SGCZ: variants seen among roughly 807,000 people sequenced by gnomAD.
SGCZ encodes the protein sarcoglycan zeta.
SGCZ carries 40 observed loss-of-function variants against 41.3 expected under a neutral mutation model. That is an observed-to-expected ratio of 0.97 (90% CI 0.75 to 1.26). The LOEUF (loss-of-function observed/expected upper bound fraction) is 1.26, where lower values mean the gene tolerates loss of function less well. SGCZ is among the 50% of genes most tolerant of loss of function. The probability of loss-of-function intolerance (pLI) is 0.00; values close to 1 mark genes in which losing one functional copy is unlikely to be tolerated. For synonymous variants in SGCZ, 206 were observed against 137.5 expected, an observed-to-expected ratio of 1.50 and a Z score of -3.49; for missense variants, 552 against 369.8, an observed-to-expected ratio of 1.49 and a Z score of -4.04.
At chr8:14,143,171 T>G (rs1384939028) in intron 5 of SGCZ, among the ~76,000 whole-genome samples, 1 of 152,120 alleles carries the variant, frequency 6.6e-6, no homozygotes, top group Non-Finnish European at 1.5e-5. Flanking sequence ...TTTCTCTATT[T>G]GACAAAGAAC....
chr8:14,198,013 T>C (rs1453399516), intron 4 of SGCZ, among the ~76,000 whole-genome samples: 3 of 152,222 alleles, frequency 2.0e-5, no homozygotes, highest in Non-Finnish European at 4.4e-5. Context: ...GGAAAGGGAT[T>C]ATTAGGAATT....
At chr8:14,228,177 G>C (rs1055248913) in intron 4 of SGCZ, among the ~76,000 whole-genome samples, 6 of 151,988 alleles carry the variant, frequency 3.9e-5, no homozygotes, top group Non-Finnish European at 8.8e-5. Flanking sequence ...TTCTTATCAA[G>C]GCAAACACAA....
At chr8:14,809,742 G>A (rs1006482432) in intron 1 of SGCZ, among the ~76,000 whole-genome samples, 1 of 152,124 alleles carries the variant, frequency 6.6e-6, no homozygotes, top group Admixed American at 6.6e-5. Flanking sequence ...ACCCATGAGG[G>A]AGGACTGTGC....
At chr8:14,285,189 C>A (rs10503491) in intron 3 of SGCZ, among the ~76,000 whole-genome samples, 1 of 151,908 alleles carries the variant, frequency 6.6e-6, no homozygotes, top group Admixed American at 6.6e-5. Flanking sequence ...TCTAATAAAT[C>A]TCCAGCTGTT....
Position 14,554,823 on chromosome 8 carries a change from C to G in SGCZ, c.143G>C (p.Cys48Ser), listed in dbSNP as rs199578243. 1 of 1,613,142 alleles carries G rather than the reference C, an allele frequency of 6.2e-7. No homozygotes were observed. The highest frequency in any genetic ancestry group is 1.3e-5 in the African/African-American group (1 of 74,888). ...CAGCAGAAGGACAAAGAAGTATAAG[C>G]ACCTCTTTCGCCATCCATAAATTCC... ...PVGIYGWRKR[C>S]LYFFVLLLLV... is the part of the protein sequence containing the mutation. Residue 48 changes from cysteine (C) to serine (S), a missense_variant, in exon 2 of 8, where the codon TGC becomes TCC. Coordinates refer to ENST00000382080, the MANE Select transcript of SGCZ (RefSeq NM_139167.4).
intron 1 of SGCZ, among the ~76,000 whole-genome samples, chr8:14,944,728 G>A (rs1325387169): frequency 6.6e-6 from 1 of 152,108 alleles, no homozygotes; most frequent in South Asian, 2.1e-4. Context: ...GTAGGCTGAG[G>A]ATTTTGCAAT....
At position 15,232,003 on chromosome 8, in the gene SGCZ, A is replaced by G. The variant is rs1801956154; in HGVS notation, c.39+5582T>C. Reference sequence around the variant, plus strand: ...AAGCTAAGAATTTTATCACAAACCAAGCACAATTCTCAACAAATAAATGCA... The same window carrying G: ...AAGCTAAGAATTTTATCACAAACCAGGCACAATTCTCAACAAATAAATGCA... On this transcript the variant is annotated intron_variant, in intron 1 of 7. Transcript: ENST00000382080. 2.0e-5 allele frequency among the ~76,000 whole-genome samples: 3 copies of G among 152,328 alleles called. 1 individual carries two copies. Among genetic ancestry groups the G allele is most frequent in the South Asian group, 2.1e-4 (1 of 4,826 alleles).
chr8:14,831,766 A>T (rs78206226), intron 1 of SGCZ, among the ~76,000 whole-genome samples: 4,787 of 47,250 alleles, frequency 0.1, 174 homozygotes, highest in African/African-American at 0.21. Context: ...AAACATATAC[A>T]TATATACACA....
intron 1 of SGCZ, among the ~76,000 whole-genome samples, chr8:14,987,581 T>G (rs1341291394): frequency 2.0e-5 from 3 of 151,962 alleles, no homozygotes; most frequent in Non-Finnish European, 4.4e-5. Flanking sequence ...ATTAGTATAC[T>G]TTCATCTTCC....
intron 3 of SGCZ, among the ~76,000 whole-genome samples, chr8:14,278,356 A>T (rs1021494126): frequency 2.6e-5 from 4 of 152,020 alleles, no homozygotes; most frequent in Non-Finnish European, 5.9e-5. Flanking sequence ...TGTTATTTTC[A>T]TTTATTTTAA....
intron 1 of SGCZ, among the ~76,000 whole-genome samples, chr8:14,700,333 T>G (rs899033229): frequency 6.6e-6 from 1 of 152,014 alleles, no homozygotes; most frequent in Admixed American, 6.6e-5. Flanking sequence ...GAGGCCATTA[T>G]CTTAATCAAA....
At chr8:14,530,585 C>A (rs1803096690) in intron 2 of SGCZ, among the ~76,000 whole-genome samples, 1 of 152,050 alleles carries the variant, frequency 6.6e-6, no homozygotes, top group Non-Finnish European at 1.5e-5. Flanking sequence ...TGGCACACAG[C>A]AGTAACACTG....
intron 4 of SGCZ, among the ~76,000 whole-genome samples, chr8:14,182,870 C>T (rs1282911146): frequency 2.0e-5 from 3 of 151,640 alleles, no homozygotes; most frequent in Non-Finnish European, 2.9e-5. Context: ...ATTAGCTGAG[C>T]GGGGAGGCAG....
intron 1 of SGCZ, among the ~76,000 whole-genome samples, chr8:14,967,790 A>C (rs1028303416): frequency 2.6e-5 from 4 of 152,286 alleles, no homozygotes; most frequent in Admixed American, 6.5e-5. Flanking sequence ...AACAAAGTAG[A>C]CATTCAAGGA....
Position 14,153,940 on chromosome 8 carries a change from G to GACACACAC in SGCZ, c.547+10632_547+10639dup, listed in dbSNP as rs57842795. Among the ~76,000 whole-genome samples the GACACACAC allele has an allele frequency of 2.6e-3, 366 of 142,840 alleles. 1 individual carries two copies. The highest frequency in any genetic ancestry group is 4.2e-3 in the Non-Finnish European group (275 of 65,838). The allele number at this position is 142,840 out of a possible 152,430, so 93.7% of individuals were successfully genotyped here. On this transcript the variant is annotated intron_variant, in intron 5 of 7. Transcript: ENST00000382080. ...TCTCTCTCTCACACACACACACACAGACACACACACACACACACACATATA... is the reference window on the plus strand; with the variant it reads ...TCTCTCTCTCACACACACACACACAGACACACACACACACACACACACACACACATATA...
At chr8:15,229,389 G>A (rs1483226109) in intron 1 of SGCZ, among the ~76,000 whole-genome samples, 1 of 152,110 alleles carries the variant, frequency 6.6e-6, no homozygotes, top group Non-Finnish European at 1.5e-5. Flanking sequence ...TATGAGGCTA[G>A]GAATTAAAGA....
At position 14,226,482 on chromosome 8, in the gene SGCZ, T is replaced by C. The variant is rs1057509445; in HGVS notation, c.424+11110A>G. Among the ~76,000 whole-genome samples, 7 of 152,110 alleles carry C rather than the reference T, an allele frequency of 4.6e-5. No individual in the cohort carries two copies. In the East Asian group the frequency reaches 1.2e-3, roughly 25 times the overall value. ...TAAGAACGTCATATAAATGCCATCA[T>C]ACAGTATGTAAACTGCCAGACTGAC... On this transcript the variant is annotated intron_variant, in intron 4 of 7. Coordinates refer to ENST00000382080, the MANE Select transcript of SGCZ (RefSeq NM_139167.4).
chr8:14,685,850 A>G (rs148455735), intron 1 of SGCZ, among the ~76,000 whole-genome samples: 22 of 152,264 alleles, frequency 1.4e-4, no homozygotes, highest in African/African-American at 2.4e-4. Flanking sequence ...TTAAACAATG[A>G]ATAAACCTTT....
intron 1 of SGCZ, among the ~76,000 whole-genome samples, chr8:14,935,803 A>G (rs1372974788): frequency 2.0e-5 from 3 of 151,896 alleles, no homozygotes; most frequent in Admixed American, 2.0e-4. Context: ...ATTAAGATAG[A>G]CGAAAGATCA....
Sources: allele counts gnomAD v4.1 joint callset (sites outside exome capture counted in the v4.1 genomes callset), GRCh38; gene constraint gnomAD v4.1.1; transcripts MANE v1.5; gene names NCBI Gene and HGNC (gene_info 2026-07-23, HGNC 2026-07-21).